Variants in STARD13 observed in about 807,000 individuals in gnomAD.
The protein encoded by STARD13 is StAR related lipid transfer domain containing 13, also known as stAR-related lipid transfer protein 13.
Under a neutral mutation model 106.4 loss-of-function variants are expected in STARD13, and 62 were observed. That is an observed-to-expected ratio of 0.58 (90% CI 0.48 to 0.72). STARD13 has a LOEUF of 0.72. Ranked by LOEUF, STARD13 falls within the 30% of genes least tolerant of loss-of-function variation. The probability of loss-of-function intolerance (pLI) is 0.00; values close to 1 mark genes in which losing one functional copy is unlikely to be tolerated. For missense variants in STARD13, 1,387 were observed against 1,424.0 expected (o/e 0.97, Z 0.42); for synonymous variants, 565 against 553.0 (o/e 1.02, Z -0.31).
At position 33,130,280 on chromosome 13, in the gene STARD13, A is replaced by G. The variant is rs747444074; in HGVS notation, c.397T>C (p.Ser133Pro). The G allele has an allele frequency of 1.2e-6, 2 of 1,600,810 alleles. No homozygotes were observed. Among genetic ancestry groups the G allele is most frequent in the Non-Finnish European group, 1.7e-6 (2 of 1,179,490 alleles). The change falls in exon 5 of 14, where the codon TCC (serine) becomes CCC (proline). Residue 133 changes from serine to proline, a missense_variant. By Grantham distance (74) the Ser-to-Pro change is moderately conservative. Coordinates refer to ENST00000336934, the MANE Select transcript of STARD13 (RefSeq NM_178006.4). The surrounding 1 kb of genome is among the most constrained non-coding windows in gnomAD (Gnocchi z 4.1). ...VNFQRKKGDD[S>P]DEEDLCISNK... Reference sequence around the variant, plus strand: ...CTGATACAAAGATCTTCCTCATCGGAGTCGTCACCCTGCAGAGCACCAAGG... The same window carrying G: ...CTGATACAAAGATCTTCCTCATCGGGGTCGTCACCCTGCAGAGCACCAAGG...
chr13:33,313,189 C>A (rs1219197979), intron 1 of STARD13, among the ~76,000 whole-genome samples: 1 of 152,164 alleles, frequency 6.6e-6, no homozygotes, highest in African/African-American at 2.4e-5. Flanking sequence ...TAAAATTTAT[C>A]ATGAGTGCAT....
At chr13:33,121,760 A>ACCTCCAGG (rs1203282818) in intron 7 of STARD13, among the ~76,000 whole-genome samples, 1 of 145,710 alleles carries the variant, frequency 6.9e-6, no homozygotes, top group African/African-American at 2.5e-5. Flanking sequence ...CTCAACCACA[A>ACCTCCAGG]CCTCCATCTC....
chr13:33,409,177 T>C, the STARD13 span, among the ~76,000 whole-genome samples: 3 of 152,276 alleles, frequency 2.0e-5, no homozygotes, highest in Admixed American at 1.3e-4. Context: ...GTCTGGTAAA[T>C]AAAATTCCTT....
intron 1 of STARD13, among the ~76,000 whole-genome samples, chr13:33,319,193 C>T (rs191564964): frequency 5.3e-5 from 8 of 152,288 alleles, no homozygotes; most frequent in African/African-American, 1.9e-4. Flanking sequence ...AATATCCATA[C>T]AATGGAATAT....
At chr13:33,108,885 A>ATG (rs1874134159) in intron 12 of STARD13, among the ~76,000 whole-genome samples, 2 of 152,222 alleles carry the variant, frequency 1.3e-5, no homozygotes, top group Admixed American at 1.3e-4. Flanking sequence ...CTTTGGTAAT[A>ATG]TGCCACCCTT....
the STARD13 span, among the ~76,000 whole-genome samples, chr13:33,473,278 G>C: frequency 1.3e-5 from 2 of 152,152 alleles, no homozygotes; most frequent in Non-Finnish European, 2.9e-5. Context: ...TACTCACAAA[G>C]TCCAGAATAG....
chr13:33,303,335 G>T (rs1442352107), intron 1 of STARD13, among the ~76,000 whole-genome samples: 2 of 152,130 alleles, frequency 1.3e-5, no homozygotes, highest in African/African-American at 4.8e-5. Context: ...CCTCAGAGAG[G>T]CAGTGTGGTA....
intron 1 of STARD13, among the ~76,000 whole-genome samples, chr13:33,330,304 T>C (rs78454523): frequency 0.024 from 3,657 of 152,354 alleles, 155 homozygotes; most frequent in African/African-American, 0.083. Context: ...TATGAAGTGA[T>C]ATCTCATTAT....
At chr13:33,179,005 C>T (rs966524479) in intron 1 of STARD13, among the ~76,000 whole-genome samples, 3 of 152,152 alleles carry the variant, frequency 2.0e-5, no homozygotes, top group Non-Finnish European at 2.9e-5. Context: ...TACTTTTGTA[C>T]AGGGTTCATG....
the STARD13 span, among the ~76,000 whole-genome samples, chr13:33,660,739 A>T: frequency 2.6e-5 from 4 of 152,176 alleles, no homozygotes; most frequent in Admixed American, 1.3e-4. Flanking sequence ...GAGAGCCACC[A>T]TGTCTGGCTA....
At chr13:33,369,506 T>G in the STARD13 span, among the ~76,000 whole-genome samples, 2 of 152,224 alleles carry the variant, frequency 1.3e-5, no homozygotes, top group African/African-American at 4.8e-5. Flanking sequence ...TTCTAATGGA[T>G]CCTTATTTGT....
intron 1 of STARD13, among the ~76,000 whole-genome samples, chr13:33,243,906 G>A (rs1271263138): frequency 6.6e-6 from 1 of 152,164 alleles, no homozygotes; most frequent in African/African-American, 2.4e-5. Flanking sequence ...GAGAGTAAGG[G>A]AGTATATGGC....
At chr13:33,281,106 A>T (rs1402250433) in intron 1 of STARD13, 1 of 152,102 alleles carries the variant, frequency 6.6e-6, no homozygotes, top group Admixed American at 6.6e-5. Flanking sequence ...CACAGAGAGG[A>T]TTCCAGAACC....
chr13:33,327,670 C>T (rs1594267843), intron 1 of STARD13, among the ~76,000 whole-genome samples: 1 of 152,230 alleles, frequency 6.6e-6, no homozygotes, highest in East Asian at 1.9e-4. Context: ...TGTGCTGGTC[C>T]CTTTGGTGAT....
At chr13:33,497,539 C>T in the STARD13 span, among the ~76,000 whole-genome samples, 1 of 152,266 alleles carries the variant, frequency 6.6e-6, no homozygotes, top group Non-Finnish European at 1.5e-5. Flanking sequence ...ATCACGCAGT[C>T]ACTCCTCCTA....
chr13:33,409,094 C>T, the STARD13 span, among the ~76,000 whole-genome samples: 1 of 151,880 alleles, frequency 6.6e-6, no homozygotes, highest in East Asian at 1.9e-4. Flanking sequence ...AGTTTCCCCA[C>T]TAGAAAGAAA....
At chr13:33,435,567 T>C in the STARD13 span, among the ~76,000 whole-genome samples, 1 of 152,190 alleles carries the variant, frequency 6.6e-6, no homozygotes, top group Non-Finnish European at 1.5e-5. Context: ...ATTATCTCTC[T>C]ACATATATAG....
chr13:33,659,839 C>G, the STARD13 span: 2 of 152,192 alleles, frequency 1.3e-5, no homozygotes, highest in African/African-American at 4.8e-5. Flanking sequence ...TACCCCTCAA[C>G]TGTGCCATTT....
At chr13:33,518,996 T>C in the STARD13 span, among the ~76,000 whole-genome samples, 1 of 152,062 alleles carries the variant, frequency 6.6e-6, no homozygotes, top group South Asian at 2.1e-4. Flanking sequence ...CTAAACCTCC[T>C]AGGCCCATCT....
Sources: allele counts gnomAD v4.1 joint callset (sites outside exome capture counted in the v4.1 genomes callset), GRCh38; gene constraint gnomAD v4.1.1; non-coding constraint Gnocchi (gnomAD v3.1); transcripts MANE v1.5; gene names NCBI Gene and HGNC (gene_info 2026-07-23, HGNC 2026-07-21).